DAB1: variants seen among roughly 807,000 people sequenced by gnomAD.
DAB1 encodes the protein DAB adaptor protein 1.
In DAB1, 15 loss-of-function variants were observed where a neutral mutation model predicts 64.6. The observed-to-expected ratio is 0.23, with a 90% confidence interval of 0.16 to 0.36. The LOEUF (loss-of-function observed/expected upper bound fraction) is 0.36, where lower values mean the gene tolerates loss of function less well. Ranked by LOEUF, DAB1 falls within the 10% of genes least tolerant of loss-of-function variation. The pLI, the probability that DAB1 is intolerant of heterozygous loss-of-function variation, is 1.00. For missense variants in DAB1, 596 were observed against 706.7 expected (o/e 0.84, Z 1.78); for synonymous variants, 235 against 251.9 (o/e 0.93, Z 0.64).
intron 6 of DAB1, among the ~76,000 whole-genome samples, chr1:57,743,162 C>T (rs560434985): frequency 3.3e-5 from 5 of 152,242 alleles, no homozygotes; most frequent in East Asian, 3.9e-4. Flanking sequence ...GCCAAGCCAT[C>T]GCATCCCCTA....
chr1:57,153,623 GTTTTT>G (rs55813762), intron 2 of DAB1, among the ~76,000 whole-genome samples: 6 of 147,988 alleles, frequency 4.1e-5, no homozygotes, highest in South Asian at 2.1e-4. Flanking sequence ...TATGTATGGG[GTTTTT>G]TTTTTGTTTG....
At chr1:58,004,561 G>A (rs1361103146) in intron 5 of DAB1, among the ~76,000 whole-genome samples, 5 of 152,136 alleles carry the variant, frequency 3.3e-5, no homozygotes, top group African/African-American at 1.2e-4. Context: ...GCAAAGGAAT[G>A]GACACAGCTC....
intron 5 of DAB1, among the ~76,000 whole-genome samples, chr1:57,910,637 G>C (rs1311310790): frequency 6.6e-6 from 1 of 152,190 alleles, no homozygotes; most frequent in Non-Finnish European, 1.5e-5. Context: ...GGAATCACAA[G>C]GCTGTCATTT....
At chr1:57,964,237 T>G (rs1236017063) in intron 5 of DAB1, among the ~76,000 whole-genome samples, 1 of 152,204 alleles carries the variant, frequency 6.6e-6, no homozygotes, top group Non-Finnish European at 1.5e-5. Context: ...ACTCAAACCT[T>G]GCCTCATGCA....
intron 3 of DAB1, among the ~76,000 whole-genome samples, chr1:58,453,461 A>G (rs1162542617): frequency 6.6e-6 from 1 of 152,204 alleles, no homozygotes; most frequent in African/African-American, 2.4e-5. Context: ...CCCAACCTGA[A>G]AGGATCTCCT....
chr1:58,227,612 A>G (rs1347587708), intron 4 of DAB1, among the ~76,000 whole-genome samples: 3 of 152,158 alleles, frequency 2.0e-5, no homozygotes, highest in Non-Finnish European at 4.4e-5. Context: ...CTACAATAAG[A>G]AAGTCACGAA....
chr1:57,936,261 T>C (rs140695730), intron 5 of DAB1, among the ~76,000 whole-genome samples: 98 of 152,372 alleles, frequency 6.4e-4, no homozygotes, highest in Admixed American at 1.5e-3. Context: ...CTCAGCCACA[T>C]TTAACTCAGG....
intron 6 of DAB1, among the ~76,000 whole-genome samples, chr1:57,676,541 C>A (rs1646568082): frequency 6.6e-6 from 1 of 152,122 alleles, no homozygotes; most frequent in Non-Finnish European, 1.5e-5. Flanking sequence ...TTGGTAAGGC[C>A]CTTGCCCCTG....
intron 2 of DAB1, among the ~76,000 whole-genome samples, chr1:57,226,961 T>G (rs957524388): frequency 6.6e-6 from 1 of 151,732 alleles, no homozygotes; most frequent in Non-Finnish European, 1.5e-5. Context: ...GAGGATTTCT[T>G]GAGCCCAGGA....
Position 57,053,688 on chromosome 1 carries a change from A to ATATATTTTT in DAB1, c.723+9195_723+9196insAAAAATATA, listed in dbSNP as rs1447741565. 2.2e-4 allele frequency among the ~76,000 whole-genome samples: 16 copies of ATATATTTTT among 71,400 alleles called. No homozygotes were observed. The South Asian group carries it at 2.4e-3, about 11-fold the overall frequency. The allele number at this position is 71,400 out of a possible 152,430, so 46.8% of individuals were successfully genotyped here. A position where few individuals can be genotyped will look rare whatever the true frequency, so the allele number is the denominator to read the frequency against. On this transcript the variant is annotated intron_variant, in intron 9 of 14. Coordinates refer to ENST00000371236, the MANE Select transcript of DAB1 (RefSeq NM_001365792.1). ...TATGTATATATATATATATATATAT[A>ATATATTTTT]TTTTTTTTTTTTTTTTTGAGACGGA...
intron 7 of DAB1, among the ~76,000 whole-genome samples, chr1:57,510,147 C>T (rs1644390277): frequency 6.6e-6 from 1 of 152,146 alleles, no homozygotes; most frequent in South Asian, 2.1e-4. Flanking sequence ...AACTGCAGTT[C>T]CCTTCCACAT....
intron 4 of DAB1, among the ~76,000 whole-genome samples, chr1:58,261,061 C>T (rs556865): frequency 0.081 from 12,255 of 152,044 alleles, 495 homozygotes; most frequent in African/African-American, 0.097. Context: ...ATATTTTTCT[C>T]GGGCTTATCA....
At chr1:57,122,412 C>T (rs1463487541) in intron 4 of DAB1, among the ~76,000 whole-genome samples, 1 of 152,036 alleles carries the variant, frequency 6.6e-6, no homozygotes, top group African/African-American at 2.4e-5. Context: ...GATTTTACAC[C>T]CTGTGGAATA....
At chr1:58,197,289 G>T (rs1657729800) in intron 4 of DAB1, among the ~76,000 whole-genome samples, 1 of 152,152 alleles carries the variant, frequency 6.6e-6, no homozygotes, top group African/African-American at 2.4e-5. Flanking sequence ...ATAGAAGATG[G>T]ATATAGCAGA....
At chr1:57,058,895 G>A (rs1163912188) in intron 9 of DAB1, among the ~76,000 whole-genome samples, 2 of 152,186 alleles carry the variant, frequency 1.3e-5, no homozygotes, top group African/African-American at 4.8e-5. Flanking sequence ...TGTGATCTCT[G>A]CCAAGGTTTT....
intron 8 of DAB1, among the ~76,000 whole-genome samples, chr1:57,065,083 A>G (rs1040585566): frequency 2.0e-5 from 3 of 152,168 alleles, no homozygotes; most frequent in African/African-American, 7.2e-5. Context: ...AAATGGAGAA[A>G]AAGCAGTGGA....
intron 3 of DAB1, among the ~76,000 whole-genome samples, chr1:58,343,735 T>G (rs189584078): frequency 1.1e-3 from 160 of 152,326 alleles, no homozygotes; most frequent in African/African-American, 3.4e-3. Context: ...TCTTGTCTTC[T>G]CTATTGAAAG....
chr1:57,760,034 G>A (rs1259182341), intron 6 of DAB1, among the ~76,000 whole-genome samples: 1 of 152,038 alleles, frequency 6.6e-6, no homozygotes, highest in Non-Finnish European at 1.5e-5. Context: ...GAAGAGGAAC[G>A]GAAGGAAGCG....
At chr1:58,500,178 T>C (rs1163534215) in intron 3 of DAB1, among the ~76,000 whole-genome samples, 2 of 152,186 alleles carry the variant, frequency 1.3e-5, no homozygotes, top group African/African-American at 2.4e-5. Context: ...ACACATCACA[T>C]GCACCATAAT....
Sources: allele counts gnomAD v4.1 joint callset (sites outside exome capture counted in the v4.1 genomes callset), GRCh38; gene constraint gnomAD v4.1.1; transcripts MANE v1.5; gene names NCBI Gene and HGNC (gene_info 2026-07-23, HGNC 2026-07-21).